The following THADA variants were observed in gnomAD, a reference collection of about 807,000 sequenced individuals.
The protein encoded by THADA is THADA armadillo repeat containing.
In THADA, 213 loss-of-function variants were observed where a neutral mutation model predicts 219.8. The observed-to-expected ratio is 0.97, with a 90% CI of 0.87 to 1.09. The LOEUF (loss-of-function observed/expected upper bound fraction) is 1.09, where lower values mean the gene tolerates loss of function less well. Among genes scored for constraint, THADA ranks in the 50% least tolerant of loss-of-function variants. The probability of loss-of-function intolerance (pLI) is 0.00; values close to 1 mark genes in which losing one functional copy is unlikely to be tolerated. For synonymous variants in THADA, 1,018 were observed against 828.9 expected (o/e 1.23, Z -3.92); for missense variants, 2,956 against 2,311.3 (o/e 1.28, Z -5.72).
intron 26 of THADA, among the ~76,000 whole-genome samples, chr2:43,454,664 T>C (rs1044999460): frequency 8.6e-5 from 13 of 152,002 alleles, no homozygotes; most frequent in African/African-American, 3.1e-4. Flanking sequence ...TTAAACAATA[T>C]TGTTTGGCAA....
intron 34 of THADA, among the ~76,000 whole-genome samples, chr2:43,290,753 G>C (rs981825956): frequency 6.6e-6 from 1 of 151,910 alleles, no homozygotes; most frequent in African/African-American, 2.4e-5. Flanking sequence ...TGGATCTTCA[G>C]GTAATTTTCC....
chr2:43,574,187 C>T (rs1422376613), intron 11 of THADA, 149 bp downstream of exon 11: 1 of 642,754 alleles, frequency 1.6e-6, no homozygotes, highest in East Asian at 2.9e-5. Context: ...TAGGAACATT[C>T]GTTTCAAACT....
chr2:43,415,144 A>C (rs552541358), intron 28 of THADA, among the ~76,000 whole-genome samples: 159 of 152,378 alleles, frequency 1.0e-3, no homozygotes, highest in Non-Finnish European at 2.1e-3. Context: ...ATACTATGGC[A>C]TAAATGACTA....
At chr2:43,320,917 G>GA (rs200485877) in intron 30 of THADA, among the ~76,000 whole-genome samples, 96 of 151,806 alleles carry the variant, frequency 6.3e-4, no homozygotes, top group African/African-American at 2.2e-3. Flanking sequence ...AAATTTGGGG[G>GA]AAAAAAAATC....
intron 36 of THADA, among the ~76,000 whole-genome samples, chr2:43,238,190 G>A (rs1166290259): frequency 6.7e-6 from 1 of 148,558 alleles, no homozygotes; most frequent in Non-Finnish European, 1.5e-5. Context: ...AGGAAAGAAG[G>A]GAGAGAAGGA....
At chr2:43,594,837 A>G (rs947198198) in intron 1 of THADA, among the ~76,000 whole-genome samples, 3 of 152,158 alleles carry the variant, frequency 2.0e-5, no homozygotes, top group Non-Finnish European at 4.4e-5. Context: ...TTTCTGCTGC[A>G]ACATTACCTT....
chr2:43,400,250 T>G (rs953246346), intron 28 of THADA, among the ~76,000 whole-genome samples: 2 of 152,008 alleles, frequency 1.3e-5, no homozygotes, highest in African/African-American at 4.8e-5. Flanking sequence ...ATTTTCTGCT[T>G]TTGGATACCC....
intron 26 of THADA, among the ~76,000 whole-genome samples, chr2:43,483,422 A>G (rs1030773756): frequency 1.1e-4 from 17 of 152,326 alleles, no homozygotes; most frequent in African/African-American, 4.1e-4. Flanking sequence ...ACCTAATGGG[A>G]GCTGCCAAGA....
At chr2:43,428,370 G>A in intron 27 of THADA, 139 bp from the exon 28 acceptor site, 1 of 759,760 alleles carries the variant, frequency 1.3e-6, no homozygotes, top group Non-Finnish European at 2.0e-6. Flanking sequence ...CACTTTGGGA[G>A]GCCGAGGCGG....
chr2:43,545,810 C>T (rs1250865485), intron 20 of THADA, among the ~76,000 whole-genome samples: 1 of 151,696 alleles, frequency 6.6e-6, no homozygotes, highest in Non-Finnish European at 1.5e-5. Context: ...TTTGTTGATC[C>T]TTTCAAAAAA....
chr2:43,529,403 A>G (rs1227714750), intron 21 of THADA, among the ~76,000 whole-genome samples: 1 of 152,202 alleles, frequency 6.6e-6, no homozygotes, highest in Non-Finnish European at 1.5e-5. Context: ...GGCTATTCAC[A>G]GGTGTGATCA....
At chr2:43,484,261 C>T (rs774896354) in intron 26 of THADA, 6 of 165,986 alleles carry the variant, frequency 3.6e-5, no homozygotes, top group Non-Finnish European at 8.8e-5. Context: ...AGAATTATCA[C>T]TAGTACATCA....
At chr2:43,318,028 T>C (rs1678272144) in intron 31 of THADA, among the ~76,000 whole-genome samples, 1 of 151,984 alleles carries the variant, frequency 6.6e-6, no homozygotes, top group South Asian at 2.1e-4. Context: ...CTAGTTGCCA[T>C]ATTTTATTTT....
intron 4 of THADA, among the ~76,000 whole-genome samples, chr2:43,589,491 T>A (rs1213888726): frequency 1.3e-5 from 2 of 152,182 alleles, no homozygotes; most frequent in Non-Finnish European, 2.9e-5. Context: ...TGTATACAGT[T>A]TCAGAGCTTA....
At chr2:43,267,868 C>A (rs1407907219) in intron 36 of THADA, among the ~76,000 whole-genome samples, 1 of 152,128 alleles carries the variant, frequency 6.6e-6, no homozygotes, top group Admixed American at 6.5e-5. Context: ...AAATCTATAC[C>A]CCGACTAAAA....
At chr2:43,528,944 C>T (rs113399461) in intron 21 of THADA, among the ~76,000 whole-genome samples, 42 of 152,204 alleles carry the variant, frequency 2.8e-4, no homozygotes, top group African/African-American at 9.9e-4. Context: ...CAAATGGAAA[C>T]TCCATACCCA....
In THADA at chr2:43,552,244, C is replaced by A. The variant is rs139831932; in HGVS notation, c.2770G>T (p.Val924Phe). 3.7e-6 allele frequency: 6 copies of A among 1,611,544 alleles called. No individual in the cohort carries two copies. In the African/African-American group the frequency reaches 8.0e-5, roughly 22 times the overall value. The change falls in exon 18 of 38, where the codon GTC becomes TTC. Residue 924 changes from valine (V) to phenylalanine (F), a missense_variant. Transcript: ENST00000405975. ...TGCAAAGCTCCTGTTATACAGTGGA[C>A]TCGCCCATACATTGGAAATGCTGCT... ...AAAAFPMYGR[V>F]HCITGALQKL...
At chr2:43,335,894 C>T (rs1456338877) in intron 30 of THADA, among the ~76,000 whole-genome samples, 3 of 151,550 alleles carry the variant, frequency 2.0e-5, no homozygotes, top group African/African-American at 4.9e-5. Flanking sequence ...GTCAGGAGAT[C>T]GAGACCATCC....
chr2:43,243,808 G>C (rs1668857050), intron 36 of THADA, among the ~76,000 whole-genome samples: 1 of 152,140 alleles, frequency 6.6e-6, no homozygotes, highest in African/African-American at 2.4e-5. Flanking sequence ...TTTTCTTCAT[G>C]CTTTAGCTAT....
Sources: allele counts gnomAD v4.1 joint callset (sites outside exome capture counted in the v4.1 genomes callset), GRCh38; gene constraint gnomAD v4.1.1; transcripts MANE v1.5; gene names NCBI Gene and HGNC (gene_info 2026-07-23, HGNC 2026-07-21).